The following SMPD2 variants were observed in gnomAD, a reference collection of about 807,000 sequenced individuals.
SMPD2 encodes N-SMase.
In SMPD2, 35 loss-of-function variants were observed where a neutral mutation model predicts 41.7. That is an observed-to-expected ratio of 0.84 (90% CI 0.64 to 1.11). The LOEUF is 1.11. SMPD2 is among the 50% of genes most tolerant of loss of function. The probability of loss-of-function intolerance (pLI) is 0.00; values close to 1 mark genes in which losing one functional copy is unlikely to be tolerated. For missense variants in SMPD2, 520 were observed against 524.8 expected, an observed-to-expected ratio of 0.99 and a Z score of 0.09; for synonymous variants, 201 against 208.2, an observed-to-expected ratio of 0.97 and a Z score of 0.30.
intron 4 of SMPD2, 65 bp from the exon 5 acceptor site, chr6:109,442,145 A>G (rs1774931257): frequency 6.3e-7 from 1 of 1,576,106 alleles, no homozygotes. Context: ...GCCCTCTGAG[A>G]GCTGCAGGGG....
rs1386116602 is a variant in SMPD2, at chr6:109,442,255, G to A, written c.364G>A (p.Val122Met). The A allele has an allele frequency of 1.2e-6, 2 of 1,614,068 alleles. No individual in the cohort carries two copies. Among genetic ancestry groups the A allele is most frequent in the Non-Finnish European group, 1.7e-6 (2 of 1,180,034 alleles). The change falls in exon 5 of 10, where the codon GTG (valine) becomes ATG (methionine). Residue 122 changes from valine to methionine, a missense_variant. Physicochemically the swap from Val to Met is conservative, Grantham distance 21 (BLOSUM62 1). Coordinates refer to ENST00000258052, the MANE Select transcript of SMPD2 (RefSeq NM_003080.3). ...WFSGKAVGLLVLHLSGMVLNA... is the reference protein window; with the variant it reads ...WFSGKAVGLLMLHLSGMVLNA... ...CAGTGGGAAGGCTGTGGGGCTGCTG[G>A]TGCTCCATCTAAGTGGCATGGTGCT...
rs751177773 is a variant in SMPD2 at position 109,441,132 on chromosome 6, A to C, written c.11A>C (p.Asn4Thr). 6.2e-7 allele frequency: 1 copy of C among 1,614,102 alleles called. No homozygotes were observed. Among genetic ancestry groups the C allele is most frequent in the Non-Finnish European group, 8.5e-7 (1 of 1,179,996 alleles). Reference protein sequence around the residue: MKPNFSLRLRIFNL... With the variant: MKPTFSLRLRIFNL... ...TGGAGCTCCCCAACCATGAAGCCCAACTTCTCCCTGCGACTGCGGATCTTC... is the reference window on the plus strand; with the variant it reads ...TGGAGCTCCCCAACCATGAAGCCCACCTTCTCCCTGCGACTGCGGATCTTC... Residue 4 changes from asparagine to threonine, a missense_variant, in exon 1 of 10, where the codon AAC becomes ACC. By Grantham distance (65) the Asn-to-Thr change is moderately conservative (BLOSUM62 0). Transcript: ENST00000258052.
At position 109,440,998 on chromosome 6, in the gene SMPD2, A is replaced by G; in HGVS notation, c.-124A>G. ...CCTGAGCCACGCGGGCTTGGTGCCCACCTGTGCGCGCCGCCTGCGAAGAAG... is the reference window on the plus strand; with the variant it reads ...CCTGAGCCACGCGGGCTTGGTGCCCGCCTGTGCGCGCCGCCTGCGAAGAAG... On this transcript the variant is annotated 5_prime_UTR_variant, in exon 1 of 10. Transcript: ENST00000258052. 2.1e-6 allele frequency: 2 copies of G among 954,122 alleles called. No homozygotes were observed. Among genetic ancestry groups the G allele is most frequent in the Non-Finnish European group, 3.2e-6 (2 of 618,378 alleles). 59.1% of individuals were successfully genotyped at this position (954,122 alleles called of 1,614,324 possible).
Position 109,443,659 on chromosome 6 carries a change from T to A in SMPD2, c.1026T>A (p.Cys342Ter). ...GGCTGCTTCTCCTGGCACTGCTGTGTGTCCTGGCGGCTGGAGGAGGGGCCG... is the reference window on the plus strand; with the variant it reads ...GGCTGCTTCTCCTGGCACTGCTGTGAGTCCTGGCGGCTGGAGGAGGGGCCG... ...GLGLLLLALL[C>*]VLAAGGGAGE... Residue 342 changes from cysteine (C) to a stop codon, truncating the protein, a stop_gained, in exon 10 of 10, where the codon TGT becomes TGA. Coordinates refer to ENST00000258052, the MANE Select transcript of SMPD2 (RefSeq NM_003080.3). LOFTEE classifies it low-confidence loss of function (END_TRUNC). The A allele has an allele frequency of 6.2e-7, 1 of 1,613,336 alleles. No homozygotes were observed. The highest frequency in any genetic ancestry group is 8.5e-7 in the Non-Finnish European group (1 of 1,179,888).
intron 5 of SMPD2, 48 bp downstream of exon 5, chr6:109,442,347 T>C (rs368692576): frequency 4.0e-5 from 62 of 1,557,012 alleles, no homozygotes; most frequent in East Asian, 2.9e-4. Flanking sequence ...AGCCCAGTCC[T>C]GGGACAGAGA....
chr6:109,442,174 G>A (rs1774932240), intron 4 of SMPD2, 36 bp from the exon 5 acceptor site: 2 of 1,606,032 alleles, frequency 1.2e-6, no homozygotes, highest in Admixed American at 1.7e-5. Context: ...AAAGATGGTG[G>A]CGGTGCCCTG....
chr6:109,441,835 C>T (rs1774906114), intron 3 of SMPD2, 139 bp from the exon 4 acceptor site: 3 of 931,472 alleles, frequency 3.2e-6, no homozygotes, highest in East Asian at 2.4e-5. Context: ...CCTCCAAAGG[C>T]TGTCGCCTTG....
At chr6:109,442,324 G>C in intron 5 of SMPD2, 25 bp downstream of exon 5, 1 of 1,603,436 alleles carries the variant, frequency 6.2e-7, no homozygotes, top group South Asian at 1.1e-5. Context: ...CAGTGCCTAG[G>C]GCTGGGACAT....
At position 109,443,838 on chromosome 6, in the gene SMPD2, T is replaced by A. The variant is rs527648546; in HGVS notation, c.1205T>A (p.Leu402Gln). 6.2e-7 allele frequency: 1 copy of A among 1,613,822 alleles called. No homozygotes were observed. Among genetic ancestry groups the A allele is most frequent in the South Asian group, 1.1e-5 (1 of 91,080 alleles). Residue 402 changes from leucine to glutamine, a missense_variant, in exon 10 of 10, where the codon CTG becomes CAG. By Grantham distance (113) the Leu-to-Gln change is moderately radical. Coordinates refer to ENST00000258052, the MANE Select transcript of SMPD2 (RefSeq NM_003080.3). ...VLGRAREAQD[L>Q]GPEPQPALLL... Reference sequence around the variant, plus strand: ...GGAAGGGCAAGGGAGGCCCAGGATCTGGGCCCAGAGCCTCAGCCAGCCCTA... The same window carrying A: ...GGAAGGGCAAGGGAGGCCCAGGATCAGGGCCCAGAGCCTCAGCCAGCCCTA...
intron 9 of SMPD2, 39 bp from the exon 10 acceptor site, chr6:109,443,478 C>G: frequency 1.2e-6 from 2 of 1,609,036 alleles, no homozygotes; most frequent in Non-Finnish European, 8.5e-7. Context: ...CCCTTCCACT[C>G]TTGACTCTCT....
rs778874244 is a variant in SMPD2, at chr6:109,443,349, A to G, written c.812A>G (p.Asp271Gly). Reference protein sequence around the residue: ...FDPHRGTPLSDHEALMATLFV... With the variant: ...FDPHRGTPLSGHEALMATLFV... ...CCTCACAGGGGCACCCCCCTCTCTG[A>G]TCATGAAGCCCTGATGGCTACTCTG... Residue 271 changes from aspartate to glycine, a missense_variant, in exon 9 of 10, where the codon GAT becomes GGT. Physicochemically the swap from Asp to Gly is moderately conservative, Grantham distance 94. Coordinates refer to ENST00000258052, the MANE Select transcript of SMPD2 (RefSeq NM_003080.3). 1 of 1,613,934 alleles carries G rather than the reference A, an allele frequency of 6.2e-7. No individual in the cohort carries two copies. The highest frequency in any genetic ancestry group is 8.5e-7 in the Non-Finnish European group (1 of 1,179,932).
At chr6:109,442,402 G>A (rs1774956203) in intron 5 of SMPD2, 103 bp downstream of exon 5, 2 of 1,371,136 alleles carry the variant, frequency 1.5e-6, no homozygotes, top group African/African-American at 1.4e-5. Context: ...AGGTGTGGGG[G>A]CAAGATCTTA....
In SMPD2 at chr6:109,443,683, C is replaced by A; in HGVS notation, c.1050C>A (p.Ala350=). Residue 350 remains alanine, a synonymous_variant, in exon 10 of 10, where the codon GCC becomes GCA. Coordinates refer to ENST00000258052, the MANE Select transcript of SMPD2 (RefSeq NM_003080.3). ...GTGTCCTGGCGGCTGGAGGAGGGGC[C>A]GGGGAAGCTGCCATACTGCTCTGGA... ...LLCVLAAGGG[A]GEAAILLWTP... is the part of the protein sequence containing the mutation. The A allele has an allele frequency of 6.2e-7, 1 of 1,613,794 alleles. No individual in the cohort carries two copies.
At chr6:109,441,266 A>G (rs1774864816) in intron 1 of SMPD2, 91 bp from the exon 2 acceptor site, 23 of 1,590,770 alleles carry the variant, frequency 1.4e-5, no homozygotes, top group Non-Finnish European at 2.0e-5. Context: ...CTCAGGGTGT[A>G]GGGAAAACCC....
rs747802654 is a variant in SMPD2 at position 109,442,006 on chromosome 6, C to G, written c.257C>G (p.Ser86Cys). The G allele has an allele frequency of 1.2e-6, 2 of 1,614,208 alleles. No homozygotes were observed. The highest frequency in any genetic ancestry group is 1.7e-6 in the Non-Finnish European group (2 of 1,180,024). Residue 86 changes from serine to cysteine, a missense_variant, in exon 4 of 10, where the codon TCC (serine) becomes TGC (cysteine). Physicochemically the swap from Ser to Cys is moderately radical, Grantham distance 112. Transcript: ENST00000258052. Reference protein sequence around the residue: ...GIIGSGLCVFSKHPIQELTQH... With the variant: ...GIIGSGLCVFCKHPIQELTQH... ...ATTGGCAGTGGCCTCTGTGTCTTCT[C>G]CAAACATCCAATCCAGGAGCTTACC... is the stretch of plus-strand genomic sequence containing the variant.
intron 4 of SMPD2, 50 bp from the exon 5 acceptor site, chr6:109,442,160 G>A (rs374155158): frequency 7.5e-6 from 12 of 1,599,258 alleles, no homozygotes; most frequent in Non-Finnish European, 1.0e-5. Context: ...CAGGGGATGG[G>A]CAGAAAGATG....
rs755925820 is a variant in SMPD2, at chr6:109,442,282, A to AACGCCT, written c.393_398dup (p.Ala132_Tyr133dup). On this transcript the variant is annotated inframe_insertion, in exon 5 of 10. Transcript: ENST00000258052. Reference sequence around the variant, plus strand: ...GCTCCATCTAAGTGGCATGGTGCTCAACGCCTATGTGACCCATGTGAGTGA... The same window carrying AACGCCT: ...GCTCCATCTAAGTGGCATGGTGCTCAACGCCTACGCCTATGTGACCCATGTGAGTGA... The AACGCCT allele has an allele frequency of 1.9e-6, 3 of 1,614,028 alleles. No homozygotes were observed. The African/African-American group carries it at 4.0e-5, about 22-fold the overall frequency.
At chr6:109,441,758 A>C in intron 3 of SMPD2, 130 bp downstream of exon 3, 1 of 971,072 alleles carries the variant, frequency 1.0e-6, no homozygotes, top group Non-Finnish European at 1.6e-6. Flanking sequence ...AGAGAAGGAG[A>C]AGGGTGAACC....
In SMPD2 at chr6:109,441,465, C is replaced by T. The variant is rs1774878648; in HGVS notation, c.147+12C>T. ...CTTTGCTGGAGGAGGTGAGATTGTG[C>T]AGCACGGTGCGGAACCCAGGCTGGG... On this transcript the variant is annotated intron_variant, in intron 2 of 9. Transcript: ENST00000258052. 1 of 1,613,192 alleles carries T rather than the reference C, an allele frequency of 6.2e-7. No homozygotes were observed. Among genetic ancestry groups the T allele is most frequent in the East Asian group, 2.2e-5 (1 of 44,874 alleles).
Sources: allele counts gnomAD v4.1 joint callset, GRCh38; gene constraint gnomAD v4.1.1; transcripts MANE v1.5; gene names NCBI Gene and HGNC (gene_info 2026-07-23, HGNC 2026-07-21).